STARD10: variants seen among roughly 807,000 people sequenced by gnomAD.
The protein encoded by STARD10 is START domain-containing protein 10.
Under a neutral mutation model 36.0 loss-of-function variants are expected in STARD10, and 24 were observed. That is an observed-to-expected ratio of 0.67 (90% CI 0.48 to 0.94). The LOEUF (loss-of-function observed/expected upper bound fraction) is 0.94, where lower values mean the gene tolerates loss of function less well. Among genes scored for constraint, STARD10 ranks in the 40% least tolerant of loss-of-function variants. The probability of loss-of-function intolerance (pLI) is 0.00; values close to 1 mark genes in which losing one functional copy is unlikely to be tolerated. For synonymous variants in STARD10, 156 were observed against 161.9 expected (o/e 0.96, Z 0.28); for missense variants, 335 against 396.6 (o/e 0.84, Z 1.32).
At chr11:72,780,446 G>A (rs1381452951) in intron 2 of STARD10, 3 of 447,860 alleles carry the variant, frequency 6.7e-6, no homozygotes, top group South Asian at 4.7e-5. Context: ...AGTCCCTGCA[G>A]GAGGCTAAGG....
In STARD10 at chr11:72,781,327, C is replaced by T; in HGVS notation, c.-113-33G>A. ...ACCGGTTTGGGGACGGGAATCAGTG[C>T]GCTGGGGGCGCGGGTGGGGCTGTTC... On this transcript the variant is annotated intron_variant, in intron 1 of 6. Coordinates refer to ENST00000334805, the MANE Select transcript of STARD10 (RefSeq NM_006645.3). The surrounding 1 kb of genome is among the most constrained non-coding windows in gnomAD (Gnocchi z 4.7). The T allele has an allele frequency of 3.0e-6, 2 of 671,828 alleles. No individual in the cohort carries two copies. Among genetic ancestry groups the T allele is most frequent in the South Asian group, 3.7e-5 (2 of 53,774 alleles). 41.6% of individuals were successfully genotyped at this position (671,828 alleles called of 1,614,324 possible). A position where few individuals can be genotyped will look rare whatever the true frequency, so the allele number is the denominator to read the frequency against.
chr11:72,758,539 G>T lies in STARD10; in HGVS notation c.450C>A (p.Val150=). The change falls in exon 4 of 7, where the codon GTC becomes GTA. Residue 150 remains valine (V), a synonymous_variant. Coordinates refer to ENST00000334805, the MANE Select transcript of STARD10 (RefSeq NM_006645.3). ...GADYIIMNYS[V]KHPKYPPRKD... is the part of the protein sequence containing the mutation. Reference sequence around the variant, plus strand: ...AGGCAGGTTGACTCACGGGATGTTTGACTGAGTAGTTCATAATGATGTAAT... The same window carrying T: ...AGGCAGGTTGACTCACGGGATGTTTTACTGAGTAGTTCATAATGATGTAAT... 1 of 1,613,698 alleles carries T rather than the reference G, an allele frequency of 6.2e-7. No individual in the cohort carries two copies. The highest frequency in any genetic ancestry group is 1.1e-5 in the South Asian group (1 of 91,044).
intron 2 of STARD10, 129 bp downstream of exon 2, chr11:72,780,846 C>A: frequency 1.0e-6 from 1 of 981,706 alleles, no homozygotes; most frequent in South Asian, 1.5e-5. Flanking sequence ...TCCTCCCGGT[C>A]CCTGGAAGGA....
intron 1 of STARD10, among the ~76,000 whole-genome samples, chr11:72,788,796 C>T (rs1483518555): frequency 5.3e-5 from 8 of 152,082 alleles, no homozygotes; most frequent in Admixed American, 2.0e-4. Context: ...CTCCTGACCT[C>T]GTGATCTGCC....
intron 2 of STARD10, among the ~76,000 whole-genome samples, chr11:72,761,902 TTTTTC>T (rs1341037163): frequency 1.2e-4 from 17 of 144,522 alleles, no homozygotes; most frequent in South Asian, 4.3e-4. Context: ...TCTGTATTTC[TTTTTC>T]TTTTCTTTTC....
At chr11:72,792,137 T>C (rs1864654) in intron 1 of STARD10, among the ~76,000 whole-genome samples, 146,839 of 147,608 alleles carry the variant, frequency 0.99, 73,036 homozygotes, top group Non-Finnish European at 1. Context: ...GCAAGCTCCG[T>C]CTCCCGGGTT....
intron 2 of STARD10, among the ~76,000 whole-genome samples, chr11:72,766,416 G>A (rs1043426930): frequency 2.6e-5 from 4 of 152,178 alleles, no homozygotes; most frequent in African/African-American, 4.8e-5. Context: ...AAGATAGCAC[G>A]AGCAGGGCTA....
At position 72,767,388 on chromosome 11, in the gene STARD10, C is replaced by G. The variant is rs184776581; in HGVS notation, c.208-8007G>C. ...ACCCTTCCAACACCCCAGAAGGAAG[C>G]ATCGCCCCCATTTTACAGATGCTGA... On this transcript the variant is annotated intron_variant, in intron 2 of 6. Coordinates refer to ENST00000334805, the MANE Select transcript of STARD10 (RefSeq NM_006645.3). Among the ~76,000 whole-genome samples the G allele has an allele frequency of 1.1e-4, 17 of 152,272 alleles. No individual in the cohort carries two copies. In the East Asian group the frequency reaches 1.5e-3, roughly 14 times the overall value.
chr11:72,784,644 C>T (rs1859048382), intron 1 of STARD10, among the ~76,000 whole-genome samples: 1 of 152,190 alleles, frequency 6.6e-6, no homozygotes, highest in Non-Finnish European at 1.5e-5. Flanking sequence ...CAAAGCATGA[C>T]CCCTGCTCTG....
intron 2 of STARD10, among the ~76,000 whole-genome samples, chr11:72,759,815 T>C (rs1858692706): frequency 6.6e-6 from 1 of 152,236 alleles, no homozygotes; most frequent in Non-Finnish European, 1.5e-5. Context: ...AAGTGGATGA[T>C]TTATTTCCTC....
chr11:72,763,765 C>A (rs1858751253), intron 2 of STARD10, among the ~76,000 whole-genome samples: 1 of 152,216 alleles, frequency 6.6e-6, no homozygotes, highest in East Asian at 1.9e-4. Flanking sequence ...CCGGATCTGG[C>A]ATCATCGTTA....
At chr11:72,756,137 T>C (rs1858640872) in intron 5 of STARD10, among the ~76,000 whole-genome samples, 1 of 151,732 alleles carries the variant, frequency 6.6e-6, no homozygotes, top group East Asian at 1.9e-4. Flanking sequence ...GCTCAGCCCC[T>C]CCCCTGCCTG....
rs796470136 is a variant in STARD10, at chr11:72,761,889, T to A, written c.208-2508A>T. ...TAGGAATGTGATGGTTTCATTTTGC[T>A]TGTCTGTATTTCTTTTTCTTTTCTT... On this transcript the variant is annotated intron_variant, in intron 2 of 6. Transcript: ENST00000334805. Among the ~76,000 whole-genome samples, 76 of 151,398 alleles carry A rather than the reference T, an allele frequency of 5.0e-4. 2 individuals carry two copies. The highest frequency in any genetic ancestry group is 2.4e-3 in the Admixed American group (37 of 15,230).
intron 1 of STARD10, among the ~76,000 whole-genome samples, chr11:72,784,144 C>T (rs1178268705): frequency 6.6e-6 from 1 of 152,220 alleles, no homozygotes; most frequent in Non-Finnish European, 1.5e-5. Flanking sequence ...TCATGAAAAC[C>T]TCTCAAACGT....
rs188490906 is a variant in STARD10 at position 72,771,305 on chromosome 11, A to G, written c.207+9670T>C. On this transcript the variant is annotated intron_variant, in intron 2 of 6. Coordinates refer to ENST00000334805, the MANE Select transcript of STARD10 (RefSeq NM_006645.3). ...GCTTTTGAGGGTGTGTGTGGAGTTC[A>G]GGGGATGTTGGGGCTGGCTTGCCTA... 4.5e-3 allele frequency among the ~76,000 whole-genome samples: 685 copies of G among 152,260 alleles called. 4 individuals are homozygous for G. Among genetic ancestry groups the G allele is most frequent in the African/African-American group, 0.016 (652 of 41,552 alleles).
At chr11:72,785,562 A>C (rs1214641767) in intron 1 of STARD10, among the ~76,000 whole-genome samples, 2 of 4,808 alleles carry the variant, frequency 4.2e-4, no homozygotes, top group African/African-American at 1.2e-3. Context: ...CTCTGTCTCA[A>C]AAAAAAAAAA....
intron 5 of STARD10, 118 bp from the exon 6 acceptor site, chr11:72,755,871 AGGTGTGTGAGGCAAGTCCTACAAGC>A: frequency 2.2e-6 from 2 of 896,236 alleles, no homozygotes; most frequent in Non-Finnish European, 3.4e-6. Flanking sequence ...CATGAGGAGG[AGGTGTGTGAGGCAAGTCCTACAAGC>A]CTTTACCCTC....
At chr11:72,764,121 G>C (rs1030777143) in intron 2 of STARD10, among the ~76,000 whole-genome samples, 7 of 152,140 alleles carry the variant, frequency 4.6e-5, no homozygotes, top group Admixed American at 1.3e-4. Context: ...TGGATGGAGG[G>C]GCAGTGACAA....
chr11:72,770,348 G>A (rs187665244), intron 2 of STARD10, among the ~76,000 whole-genome samples: 42 of 152,298 alleles, frequency 2.8e-4, no homozygotes, highest in Non-Finnish European at 4.7e-4. Flanking sequence ...CACCTGAGTA[G>A]CTGGGATTAC....
Sources: gnomAD v4.1 joint callset for allele counts (sites outside exome capture counted in the v4.1 genomes callset) on GRCh38, gnomAD v4.1.1 for gene constraint, Gnocchi (gnomAD v3.1) non-coding constraint, MANE v1.5 for transcripts, NCBI Gene and HGNC (gene_info 2026-07-23, HGNC 2026-07-21) for gene names.